The following LYPD5 variants were observed in gnomAD, a reference collection of about 807,000 sequenced individuals.
LYPD5 encodes the protein ly6/PLAUR domain-containing protein 5.
In LYPD5, 21 loss-of-function variants were observed where a neutral mutation model predicts 19.1. The observed-to-expected ratio is 1.10, with a 90% CI of 0.78 to 1.58. The LOEUF (loss-of-function observed/expected upper bound fraction) is 1.58. Among genes scored for constraint, LYPD5 ranks in the 40% most tolerant of loss-of-function variants. LYPD5 has a pLI of 0.00. For synonymous variants in LYPD5, 128 were observed against 142.7 expected (o/e 0.90, Z 0.74); for missense variants, 287 against 329.8 (o/e 0.87, Z 1.00).
chr19:43,817,489 C>T (rs1224978223), intron 1 of LYPD5, among the ~76,000 whole-genome samples: 1 of 152,140 alleles, frequency 6.6e-6, no homozygotes, highest in Non-Finnish European at 1.5e-5. Context: ...AGAATATACA[C>T]ACAGGAATGG....
intron 1 of LYPD5, among the ~76,000 whole-genome samples, chr19:43,801,963 T>C (rs1322992573): frequency 6.6e-6 from 1 of 152,060 alleles, no homozygotes; most frequent in East Asian, 1.9e-4. Context: ...TCCCTGGAAA[T>C]ACCTTTGAAT....
intron 1 of LYPD5, among the ~76,000 whole-genome samples, chr19:43,808,781 T>C (rs953802292): frequency 3.3e-5 from 5 of 152,242 alleles, no homozygotes; most frequent in African/African-American, 1.2e-4. Flanking sequence ...CATTTTCTGG[T>C]CCTGATTATT....
At chr19:43,813,374 G>T (rs1397902216) in intron 1 of LYPD5, among the ~76,000 whole-genome samples, 1 of 152,180 alleles carries the variant, frequency 6.6e-6, no homozygotes, top group East Asian at 1.9e-4. Flanking sequence ...CTTCCACCAT[G>T]ATTGTAAGCT....
chr19:43,809,040 ATTG>A (rs1201796829), intron 1 of LYPD5, among the ~76,000 whole-genome samples: 6 of 152,036 alleles, frequency 3.9e-5, no homozygotes, highest in Admixed American at 3.3e-4. Flanking sequence ...TTGTTGTGTT[ATTG>A]TTGTTGTTGT....
chr19:43,803,988 C>T (rs534057563), upstream of LYPD5, among the ~76,000 whole-genome samples: 1 of 152,212 alleles, frequency 6.6e-6, no homozygotes, highest in South Asian at 2.1e-4. Context: ...CAGGCATGTG[C>T]CACCATGCCT....
At chr19:43,807,383 C>A (rs1350333390), upstream of LYPD5, among the ~76,000 whole-genome samples, 1 of 151,400 alleles carries the variant, frequency 6.6e-6, no homozygotes, top group African/African-American at 2.4e-5. Context: ...CAGGTTCAAG[C>A]GATTCTCCTG....
At chr19:43,815,999 G>A (rs1970370395) in intron 1 of LYPD5, among the ~76,000 whole-genome samples, 1 of 152,076 alleles carries the variant, frequency 6.6e-6, no homozygotes, top group African/African-American at 2.4e-5. Context: ...CTCCCAAACT[G>A]CTGGGATTCC....
At chr19:43,810,560 C>T (rs1487246200) in intron 1 of LYPD5, among the ~76,000 whole-genome samples, 1 of 110,420 alleles carries the variant, frequency 9.1e-6, no homozygotes, top group Non-Finnish European at 1.9e-5. Flanking sequence ...CCTCCCTTCC[C>T]CTCCCCTCCC....
intron 1 of LYPD5, among the ~76,000 whole-genome samples, chr19:43,811,303 G>A (rs1970321906): frequency 1.3e-5 from 2 of 152,128 alleles, no homozygotes; most frequent in South Asian, 4.1e-4. Flanking sequence ...GGATAACATG[G>A]AATAGTTGAG....
chr19:43,803,316 A>T (rs1970244315), upstream of LYPD5, among the ~76,000 whole-genome samples: 1 of 152,256 alleles, frequency 6.6e-6, no homozygotes, highest in African/African-American at 2.4e-5. Flanking sequence ...AGGCAGACAC[A>T]TGTGGATGCT....
Position 43,810,556 on chromosome 19 carries a change from TTCCCC to T in LYPD5, c.-66+9979_-66+9983del, listed in dbSNP as rs1310020565. ...GTTCCCTCCCCTCCCCTCCCCTCCC[TTCCCC>T]TCCCCTCCCCTCCCCTCCCTTCCCC... On this transcript the variant is annotated intron_variant, in intron 1 of 4. Transcript: ENST00000414615. Among the ~76,000 whole-genome samples the T allele has an allele frequency of 9.7e-3, 250 of 25,770 alleles. 2 individuals are homozygous for T. Among genetic ancestry groups the T allele is most frequent in the Middle Eastern group, 0.067 (2 of 30 alleles). The allele number at this position is 25,770 out of a possible 152,430, so 16.9% of individuals were successfully genotyped here.
chr19:43,812,939 G>T (rs1413106189), intron 1 of LYPD5, among the ~76,000 whole-genome samples: 1 of 152,320 alleles, frequency 6.6e-6, no homozygotes, highest in East Asian at 1.9e-4. Flanking sequence ...TGGCGGGAGT[G>T]TCTTATGGAA....
intron 3 of LYPD5, 61 bp from the exon 4 acceptor site, chr19:43,798,662 G>A (rs955095815): frequency 9.4e-6 from 15 of 1,603,242 alleles, no homozygotes; most frequent in Non-Finnish European, 1.3e-5. Context: ...CGTGCGGGCT[G>A]CGCACTGCGC....
upstream of LYPD5, among the ~76,000 whole-genome samples, chr19:43,804,055 CTTGAA>C (rs897611868): frequency 5.9e-5 from 9 of 152,154 alleles, no homozygotes; most frequent in African/African-American, 1.9e-4. Flanking sequence ...CCAGGCTGGT[CTTGAA>C]TTCCTGACCT....
At chr19:43,804,450 C>T (rs1382156630), upstream of LYPD5, among the ~76,000 whole-genome samples, 2 of 152,068 alleles carry the variant, frequency 1.3e-5, no homozygotes, top group Non-Finnish European at 2.9e-5. Flanking sequence ...CCCCATTGTC[C>T]TCCAATATTT....
chr19:43,803,219 G>T (rs1308873823), upstream of LYPD5, among the ~76,000 whole-genome samples: 1 of 152,184 alleles, frequency 6.6e-6, no homozygotes, highest in Non-Finnish European at 1.5e-5. Flanking sequence ...ATGCCCCCAG[G>T]TGTTTCAGAA....
At chr19:43,800,616 T>G (rs779533645) in intron 1 of LYPD5, among the ~76,000 whole-genome samples, 2 of 152,066 alleles carry the variant, frequency 1.3e-5, no homozygotes, top group African/African-American at 2.4e-5. Flanking sequence ...GCCACAATTA[T>G]GCGATGTTTA....
chr19:43,808,193 C>T lies in LYPD5; in HGVS notation c.-65-8359G>A, dbSNP rs36099602. Among the ~76,000 whole-genome samples, 1,354 of 152,276 alleles carry T rather than the reference C, an allele frequency of 8.9e-3. 11 individuals are homozygous for T. The highest frequency in any genetic ancestry group is 0.015 in the Non-Finnish European group (1,010 of 68,020). On this transcript the variant is annotated intron_variant, in intron 1 of 4. Transcript: ENST00000414615. ...GTGGCGTGATCTTGACTCACCACTG[C>T]CTCCCAGGTTCAAGTGATTCTTATG...
At chr19:43,808,229 C>T (rs755257301) in intron 1 of LYPD5, among the ~76,000 whole-genome samples, 14 of 152,200 alleles carry the variant, frequency 9.2e-5, no homozygotes, top group Admixed American at 4.6e-4. Flanking sequence ...TCTCAGCCTC[C>T]GGAGAGGCTG....
Sources: allele counts gnomAD v4.1 joint callset (sites outside exome capture counted in the v4.1 genomes callset), GRCh38; gene constraint gnomAD v4.1.1; transcripts MANE v1.5; gene names NCBI Gene and HGNC (gene_info 2026-07-23, HGNC 2026-07-21).